The following STAG1 variants were observed in gnomAD, a reference collection of about 807,000 sequenced individuals.
STAG1 encodes cohesin subunit SA-1.
A neutral mutation model predicts 170.9 loss-of-function variants in STAG1; 26 were observed. The ratio of observed to expected loss-of-function variants is 0.15; its 90% confidence interval spans 0.11 to 0.21. STAG1 has a LOEUF of 0.21. STAG1 is among the 10% of genes least tolerant of loss of function. The pLI is 1.00. For synonymous variants in STAG1, 514 were observed against 497.7 expected, an observed-to-expected ratio of 1.03 and a Z score of -0.44; for missense variants, 964 against 1,509.5, an observed-to-expected ratio of 0.64 and a Z score of 5.99.
intron 9 of STAG1, 74 bp from the exon 10 acceptor site, chr3:136,477,486 G>A: frequency 7.5e-7 from 1 of 1,337,230 alleles, no homozygotes. Flanking sequence ...CTTTCCATAA[G>A]CAATAAATAT....
At chr3:136,412,437 C>A (rs932118210) in intron 21 of STAG1, among the ~76,000 whole-genome samples, 2 of 152,158 alleles carry the variant, frequency 1.3e-5, no homozygotes, top group African/African-American at 4.8e-5. Flanking sequence ...AGGATTATTA[C>A]ATAGTTTTAA....
At chr3:136,344,165 A>G (rs1380878137) in intron 29 of STAG1, among the ~76,000 whole-genome samples, 159 bp from the exon 30 acceptor site, 2 of 152,196 alleles carry the variant, frequency 1.3e-5, no homozygotes, top group African/African-American at 4.8e-5. Context: ...AAGTCATTAA[A>G]CTTCCAAAGT....
intron 7 of STAG1, 137 bp from the exon 8 acceptor site, chr3:136,502,916 A>T (rs1321834712): frequency 1.5e-6 from 1 of 654,002 alleles, no homozygotes; most frequent in Non-Finnish European, 2.3e-6. Context: ...TTTAAGTTTA[A>T]ATAAAAGATA....
chr3:136,723,234 T>C (rs1933412446), intron 1 of STAG1, among the ~76,000 whole-genome samples: 1 of 147,884 alleles, frequency 6.8e-6, no homozygotes. Flanking sequence ...TGCCATCCCA[T>C]CTAGGAAATG....
chr3:136,561,827 T>C (rs1936855192), intron 5 of STAG1, among the ~76,000 whole-genome samples: 1 of 151,870 alleles, frequency 6.6e-6, no homozygotes. Flanking sequence ...ATTTTTTTTT[T>C]TTTTCATTTT....
At chr3:136,457,366 A>G (rs1451486345) in intron 13 of STAG1, among the ~76,000 whole-genome samples, 1 of 152,150 alleles carries the variant, frequency 6.6e-6, no homozygotes, top group Non-Finnish European at 1.5e-5. Flanking sequence ...TGCATCAAAG[A>G]AAATAGTAAA....
chr3:136,503,253 T>C (rs1444054747), intron 7 of STAG1, among the ~76,000 whole-genome samples: 2 of 152,180 alleles, frequency 1.3e-5, no homozygotes, highest in African/African-American at 4.8e-5. Context: ...TCCTCTCCCT[T>C]TGTTCCTCAC....
chr3:136,552,764 T>A (rs1175290623), intron 5 of STAG1, among the ~76,000 whole-genome samples: 1 of 152,216 alleles, frequency 6.6e-6, no homozygotes. Flanking sequence ...TAAGAAGTTA[T>A]AATCAAAAAC....
intron 6 of STAG1, 31 bp from the exon 7 acceptor site, chr3:136,521,448 T>C (rs1406780164): frequency 1.3e-5 from 20 of 1,595,804 alleles, no homozygotes; most frequent in Non-Finnish European, 1.7e-5. Context: ...ATATTAAGTA[T>C]GTCACATTAC....
At chr3:136,727,698 C>T (rs1261592916) in intron 1 of STAG1, among the ~76,000 whole-genome samples, 3 of 152,030 alleles carry the variant, frequency 2.0e-5, no homozygotes, top group Non-Finnish European at 4.4e-5. Flanking sequence ...CTAGGGAAAG[C>T]GAAATATCCA....
At chr3:136,669,110 C>T (rs1393153666) in intron 1 of STAG1, among the ~76,000 whole-genome samples, 1 of 152,158 alleles carries the variant, frequency 6.6e-6, no homozygotes, top group Non-Finnish European at 1.5e-5. Flanking sequence ...TCTGTAAGAT[C>T]TGTTTGAACA....
intron 1 of STAG1, among the ~76,000 whole-genome samples, chr3:136,641,188 T>C (rs1441416040): frequency 6.6e-6 from 1 of 152,122 alleles, no homozygotes; most frequent in African/African-American, 2.4e-5. Flanking sequence ...AGAATAAATA[T>C]AAACAAAATG....
intron 2 of STAG1, among the ~76,000 whole-genome samples, chr3:136,627,265 A>C (rs928950851): frequency 9.2e-5 from 14 of 152,174 alleles, no homozygotes; most frequent in Non-Finnish European, 2.1e-4. Flanking sequence ...TGAAAAAGAA[A>C]ATTTCGAGCA....
chr3:136,690,257 G>C (rs934554382), intron 1 of STAG1, among the ~76,000 whole-genome samples: 2 of 152,058 alleles, frequency 1.3e-5, no homozygotes, highest in African/African-American at 2.4e-5. Context: ...TTTGTTTTGA[G>C]AGAGAGTCTC....
chr3:136,604,277 C>CTT (rs1374258429), intron 4 of STAG1, 32 bp downstream of exon 4: 2 of 1,592,998 alleles, frequency 1.3e-6, no homozygotes, highest in Non-Finnish European at 8.5e-7. Context: ...AACTGTATTG[C>CTT]TTTATACGTG....
chr3:136,736,154 G>T (rs1934320588), intron 1 of STAG1, among the ~76,000 whole-genome samples: 1 of 152,194 alleles, frequency 6.6e-6, no homozygotes. Flanking sequence ...TTAACTGTAT[G>T]AGTTCCACAA....
chr3:136,496,081 T>C (rs1299736420), intron 9 of STAG1, among the ~76,000 whole-genome samples: 1 of 151,088 alleles, frequency 6.6e-6, no homozygotes, highest in East Asian at 1.9e-4. Flanking sequence ...GAGGCAGAGG[T>C]TGCAGTGAGC....
Position 136,518,667 on chromosome 3 carries a change from T to A in STAG1, c.676+2546A>T, listed in dbSNP as rs567782410. On this transcript the variant is annotated intron_variant, in intron 7 of 33. Transcript: ENST00000383202. ...TAGTGTAGACACATGGGAATTACAGTAATACGTTAAAGTAAATTGAGAGAA... is the reference window on the plus strand; with the variant it reads ...TAGTGTAGACACATGGGAATTACAGAAATACGTTAAAGTAAATTGAGAGAA... 2.0e-5 allele frequency among the ~76,000 whole-genome samples: 3 copies of A among 152,234 alleles called. No homozygotes were observed. The South Asian group carries it at 6.2e-4, about 32-fold the overall frequency.
intron 1 of STAG1, among the ~76,000 whole-genome samples, chr3:136,634,819 A>C (rs1940487561): frequency 6.6e-6 from 1 of 152,294 alleles, no homozygotes. Context: ...TCTTTAAATA[A>C]AATGACTTTT....
Sources: gnomAD v4.1 joint callset for allele counts (sites outside exome capture counted in the v4.1 genomes callset) on GRCh38, gnomAD v4.1.1 for gene constraint, MANE v1.5 for transcripts, NCBI Gene and HGNC (gene_info 2026-07-23, HGNC 2026-07-21) for gene names.